Variants in ANO3 observed in about 807,000 individuals in gnomAD.
ANO3 encodes anoctamin 3, also known as anoctamin-3.
ANO3 carries 99 observed loss-of-function variants against 144.8 expected under a neutral mutation model. The ratio of observed to expected loss-of-function variants is 0.68; its 90% CI spans 0.58 to 0.81. ANO3 has a LOEUF of 0.81. ANO3 is among the 30% of genes least tolerant of loss of function. The pLI is 0.00. For synonymous variants in ANO3, 414 were observed against 392.6 expected (o/e 1.05, Z -0.64); for missense variants, 905 against 1,202.2 (o/e 0.75, Z 3.66).
intron 1 of ANO3, among the ~76,000 whole-genome samples, chr11:26,366,800 C>T (rs1856100367): frequency 7.1e-6 from 1 of 141,518 alleles, no homozygotes; most frequent in African/African-American, 2.8e-5. Flanking sequence ...CTGTTCATAT[C>T]CTTTGCCCAC....
rs926228645 is a variant in ANO3, at chr11:26,442,233, T to C, written c.241+121T>C. Reference sequence around the variant, plus strand: ...GAGCTCTTCAGGAAGGAGGCTGGCATAGAAAGGAGACCAGTACACCATGCC... The same window carrying C: ...GAGCTCTTCAGGAAGGAGGCTGGCACAGAAAGGAGACCAGTACACCATGCC... On this transcript the variant is annotated intron_variant, in intron 2 of 26. Transcript: ENST00000256737. The C allele has an allele frequency of 6.3e-6, 6 of 955,914 alleles. 1 individual carries two copies. The South Asian group carries it at 9.8e-5, about 16-fold the overall frequency. The allele number at this position is 955,914 out of a possible 1,614,324, so 59.2% of individuals were successfully genotyped here.
intron 1 of ANO3, among the ~76,000 whole-genome samples, chr11:26,231,317 G>A (rs1852394550): frequency 6.6e-6 from 1 of 152,194 alleles, no homozygotes; most frequent in Non-Finnish European, 1.5e-5. Flanking sequence ...CTAGTCTGCT[G>A]AGAGTGGCCA....
intron 1 of ANO3, among the ~76,000 whole-genome samples, chr11:26,267,097 C>CAA (rs759201943): frequency 0.053 from 6,037 of 114,882 alleles, 171 homozygotes; most frequent in Non-Finnish European, 0.077. Flanking sequence ...GTCAAACAAA[C>CAA]AAAAAAAAAA....
At chr11:26,441,556 G>A (rs530796969) in intron 1 of ANO3, among the ~76,000 whole-genome samples, 6 of 152,212 alleles carry the variant, frequency 3.9e-5, no homozygotes, top group African/African-American at 1.4e-4. Flanking sequence ...TATATATTAG[G>A]TTTTATGTAT....
At chr11:26,415,986 ATTG>A (rs1356803752) in intron 1 of ANO3, among the ~76,000 whole-genome samples, 1 of 151,990 alleles carries the variant, frequency 6.6e-6, no homozygotes, top group Non-Finnish European at 1.5e-5. Context: ...TAAATTTCTT[ATTG>A]TTTTCAGTTT....
intron 14 of ANO3, among the ~76,000 whole-genome samples, chr11:26,575,257 A>G (rs188380226): frequency 3.1e-3 from 478 of 152,040 alleles, no homozygotes; most frequent in Middle Eastern, 0.012. Flanking sequence ...TTTAAAATTG[A>G]TTATATTGTT....
chr11:26,376,370 G>A (rs1278773102), intron 1 of ANO3, among the ~76,000 whole-genome samples: 1 of 151,912 alleles, frequency 6.6e-6, no homozygotes, highest in Non-Finnish European at 1.5e-5. Flanking sequence ...CACATCACAG[G>A]TAAATAAATA....
chr11:26,206,464 A>G (rs977448234), intron 1 of ANO3, among the ~76,000 whole-genome samples: 1 of 152,158 alleles, frequency 6.6e-6, no homozygotes, highest in Non-Finnish European at 1.5e-5. Flanking sequence ...TTTCCTTCCT[A>G]GACAATGTCA....
intron 4 of ANO3, among the ~76,000 whole-genome samples, chr11:26,495,150 G>T (rs952157643): frequency 6.6e-6 from 1 of 151,064 alleles, no homozygotes; most frequent in Non-Finnish European, 1.5e-5. Context: ...TGTCATCCAG[G>T]CTGGAGTACA....
At chr11:26,631,101 G>A (rs1429349554) in intron 18 of ANO3, among the ~76,000 whole-genome samples, 1 of 151,290 alleles carries the variant, frequency 6.6e-6, no homozygotes, top group African/African-American at 2.4e-5. Context: ...GTTTTAACTT[G>A]TCAACTGAAA....
At chr11:26,657,869 C>T (rs985701746) in intron 26 of ANO3, among the ~76,000 whole-genome samples, 1 of 152,062 alleles carries the variant, frequency 6.6e-6, no homozygotes, top group Non-Finnish European at 1.5e-5. Context: ...TGTATTAATC[C>T]TTTGTCAGGT....
At chr11:26,544,379 A>G (rs1849733868) in intron 11 of ANO3, among the ~76,000 whole-genome samples, 1 of 150,144 alleles carries the variant, frequency 6.7e-6, no homozygotes, top group Non-Finnish European at 1.5e-5. Context: ...GGTAGAATCT[A>G]AAAAGGTTGA....
At chr11:26,248,952 T>C (rs1852862383) in intron 1 of ANO3, among the ~76,000 whole-genome samples, 1 of 152,158 alleles carries the variant, frequency 6.6e-6, no homozygotes, top group South Asian at 2.1e-4. Flanking sequence ...TGTGTACTCC[T>C]TGTGAGAATC....
intron 1 of ANO3, among the ~76,000 whole-genome samples, chr11:26,220,311 G>T (rs1384503963): frequency 6.6e-6 from 1 of 152,212 alleles, no homozygotes; most frequent in Non-Finnish European, 1.5e-5. Context: ...CTATAGGCAG[G>T]ATGATCAGGC....
At chr11:26,651,057 A>G (rs968257905) in intron 24 of ANO3, among the ~76,000 whole-genome samples, 2 of 151,924 alleles carry the variant, frequency 1.3e-5, no homozygotes, top group Admixed American at 6.6e-5. Context: ...AAGCTTCCCA[A>G]TTTTTTTTCT....
At chr11:26,504,613 GT>G (rs35406287) in intron 4 of ANO3, among the ~76,000 whole-genome samples, 8,834 of 152,234 alleles carry the variant, frequency 0.058, 512 homozygotes, top group African/African-American at 0.15. Flanking sequence ...AGAGTGAGGA[GT>G]AACTTGGAGA....
chr11:26,277,372 T>C (rs1035361508), intron 1 of ANO3, among the ~76,000 whole-genome samples: 1 of 152,136 alleles, frequency 6.6e-6, no homozygotes, highest in Non-Finnish European at 1.5e-5. Context: ...TCATGATATA[T>C]ATTAAAGAAT....
intron 3 of ANO3, among the ~76,000 whole-genome samples, chr11:26,458,473 A>G (rs117242986): frequency 0.011 from 1,607 of 152,278 alleles, 13 homozygotes; most frequent in Non-Finnish European, 0.015. Flanking sequence ...CATTTCCTTC[A>G]TACTATAGTT....
chr11:26,332,435 CTG>C, intron 1 of ANO3, 114 bp downstream of exon 1: 1 of 866,996 alleles, frequency 1.2e-6, no homozygotes, highest in Non-Finnish European at 1.8e-6. Flanking sequence ...GTGGGGAACT[CTG>C]TGAAGTTAAA....
Sources: allele counts gnomAD v4.1 joint callset (sites outside exome capture counted in the v4.1 genomes callset), GRCh38; gene constraint gnomAD v4.1.1; transcripts MANE v1.5; gene names NCBI Gene and HGNC (gene_info 2026-07-23, HGNC 2026-07-21).